Variants in BLTP2 observed in about 807,000 individuals in gnomAD.
BLTP2 encodes the protein bridge-like lipid transfer protein family member 2, also known as U937-associated antigen.
At chr17:28,636,360 C>A in the BLTP2 span, among the ~76,000 whole-genome samples, 2 of 152,186 alleles carry the variant, frequency 1.3e-5, no homozygotes, top group Non-Finnish European at 2.9e-5. Flanking sequence ...TCAAAACCTG[C>A]CAGTGCCTCT....
the BLTP2 span, chr17:28,616,085 G>T: frequency 6.2e-7 from 1 of 1,603,100 alleles, no homozygotes; most frequent in South Asian, 1.1e-5. The surrounding 1 kb of genome is among the most constrained non-coding windows in gnomAD (Gnocchi z 4.8). Context: ...AAGTGCTTGA[G>T]AGGTGCAGAC....
the BLTP2 span, chr17:28,617,326 G>T: frequency 1.9e-6 from 3 of 1,608,590 alleles, no homozygotes; most frequent in African/African-American, 4.0e-5. Context: ...CACCTATAAA[G>T]ACAGATTTTG....
chr17:28,625,405 A>T, the BLTP2 span, among the ~76,000 whole-genome samples: 1 of 150,274 alleles, frequency 6.7e-6, no homozygotes, highest in Non-Finnish European at 1.5e-5. Flanking sequence ...AAAATACATA[A>T]AAATATTCTC....
chr17:28,637,745 C>T, the BLTP2 span: 848 of 1,300,106 alleles, frequency 6.5e-4, 2 homozygotes, highest in African/African-American at 8.3e-3. Context: ...CATCTCAGCT[C>T]ACTGCAAACT....
At chr17:28,638,141 G>GT in the BLTP2 span, 1 of 1,603,564 alleles carries the variant, frequency 6.2e-7, no homozygotes, top group East Asian at 2.2e-5. Context: ...CAGGCGCACA[G>GT]TTTTATAATG....
the BLTP2 span, chr17:28,635,201 G>T: frequency 6.2e-7 from 1 of 1,613,920 alleles, no homozygotes; most frequent in Non-Finnish European, 8.5e-7. Context: ...ATCTCTTCCA[G>T]CTCAGGTAGC....
At chr17:28,634,150 C>A in the BLTP2 span, 1 of 1,395,702 alleles carries the variant, frequency 7.2e-7, no homozygotes, top group Admixed American at 1.9e-5. Context: ...TCGGGCCTAT[C>A]TTTTTCCTCA....
the BLTP2 span, chr17:28,616,570 T>C: frequency 6.2e-7 from 1 of 1,614,012 alleles, no homozygotes; most frequent in South Asian, 1.1e-5. This position sits in a 1 kb window ranked among gnomAD's most constrained non-coding sequence, Gnocchi z 4.8. Context: ...CAGCTGTCTT[T>C]GGGGTTGCTA....
At chr17:28,617,218 G>A in the BLTP2 span, 239 of 1,607,806 alleles carry the variant, frequency 1.5e-4, 1 homozygote, top group East Asian at 5.2e-3. Flanking sequence ...TAGGAAAGGG[G>A]AAAAAAGACT....
chr17:28,638,851 G>A, the BLTP2 span, among the ~76,000 whole-genome samples: 1 of 152,120 alleles, frequency 6.6e-6, no homozygotes, highest in African/African-American at 2.4e-5. Context: ...AAGGATATTA[G>A]GTTGACTCAT....
chr17:28,641,577 G>A, the BLTP2 span, among the ~76,000 whole-genome samples: 1 of 151,708 alleles, frequency 6.6e-6, no homozygotes, highest in African/African-American at 2.4e-5. Context: ...AAGGTTAAAG[G>A]TTGCAGTGAG....
At chr17:28,645,133 C>T in the BLTP2 span, 84 of 1,239,282 alleles carry the variant, frequency 6.8e-5, no homozygotes, top group South Asian at 9.9e-4. Context: ...GCAGCACCGC[C>T]GCGGGCCGAC....
the BLTP2 span, among the ~76,000 whole-genome samples, chr17:28,618,269 A>G: frequency 6.8e-6 from 1 of 147,512 alleles, no homozygotes; most frequent in African/African-American, 2.5e-5. Flanking sequence ...TTTCTTTTTT[A>G]GAGACAGGGT....
chr17:28,643,322 G>A, the BLTP2 span: 4 of 1,613,668 alleles, frequency 2.5e-6, no homozygotes, highest in South Asian at 1.1e-5. Flanking sequence ...CTGCCCAGAA[G>A]AGAAATCTCA....
chr17:28,627,198 T>C, the BLTP2 span, among the ~76,000 whole-genome samples: 46 of 152,248 alleles, frequency 3.0e-4, no homozygotes, highest in Admixed American at 1.4e-3. Context: ...ACTTTTGAGT[T>C]TGGGTTTTTC....
the BLTP2 span, chr17:28,641,890 T>C: frequency 1.1e-5 from 17 of 1,601,926 alleles, no homozygotes; most frequent in Non-Finnish European, 1.5e-5. Context: ...GGGCTTTACC[T>C]GAACAGGGAA....
chr17:28,643,370 C>A, the BLTP2 span: 1 of 1,592,936 alleles, frequency 6.3e-7, no homozygotes, highest in East Asian at 2.2e-5. Context: ...CAGTCTATTC[C>A]CCACCCTCAC....
chr17:28,619,566 G>C, the BLTP2 span: 2 of 1,520,978 alleles, frequency 1.3e-6, no homozygotes, highest in Non-Finnish European at 1.8e-6. Flanking sequence ...ATGCACACTA[G>C]ACCTAAAGAC....
the BLTP2 span, chr17:28,638,125 A>T: frequency 6.2e-7 from 1 of 1,608,832 alleles, no homozygotes; most frequent in South Asian, 1.1e-5. Context: ...TCCCATTAGA[A>T]GTATGCAGGC....
Sources: allele counts gnomAD v4.1 joint callset (sites outside exome capture counted in the v4.1 genomes callset), GRCh38; gene constraint gnomAD v4.1.1; non-coding constraint Gnocchi (gnomAD v3.1); transcripts MANE v1.5; gene names NCBI Gene and HGNC (gene_info 2026-07-23, HGNC 2026-07-21).